The following TENT4A variants were observed in gnomAD, a reference collection of about 807,000 sequenced individuals.
TENT4A encodes terminal nucleotidyltransferase 4A.
A neutral mutation model predicts 72.8 loss-of-function variants in TENT4A; 7 were observed. The observed-to-expected ratio is 0.10, with a 90% confidence interval of 0.05 to 0.18. The LOEUF (loss-of-function observed/expected upper bound fraction) is 0.18, where lower values mean the gene tolerates loss of function less well. TENT4A is among the 10% of genes least tolerant of loss of function. The probability of loss-of-function intolerance (pLI) is 1.00; values close to 1 mark genes in which losing one functional copy is unlikely to be tolerated. For missense variants in TENT4A, 831 were observed against 1,017.7 expected (o/e 0.82, Z 2.50); for synonymous variants, 456 against 434.3 (o/e 1.05, Z -0.62).
At chr5:6,748,395 G>T in intron 7 of TENT4A, 69 bp from the exon 8 acceptor site, 1 of 1,588,054 alleles carries the variant, frequency 6.3e-7, no homozygotes. Context: ...TCACTTGTAT[G>T]AGAAGATCCA....
At chr5:6,745,269 G>A (rs1445649264) in intron 6 of TENT4A, among the ~76,000 whole-genome samples, 2 of 152,228 alleles carry the variant, frequency 1.3e-5, no homozygotes, top group Non-Finnish European at 2.9e-5. Context: ...GAATTCTTCT[G>A]AACCCTAAAA....
intron 3 of TENT4A, among the ~76,000 whole-genome samples, 193 bp from the exon 4 acceptor site, chr5:6,739,538 TC>T (rs1741691454): frequency 6.6e-6 from 1 of 152,214 alleles, no homozygotes; most frequent in African/African-American, 2.4e-5. Context: ...ATGGAAGTCT[TC>T]CCTTAAGTTC....
intron 1 of TENT4A, among the ~76,000 whole-genome samples, chr5:6,715,392 G>T (rs1740318794): frequency 6.6e-6 from 1 of 152,176 alleles, no homozygotes; most frequent in South Asian, 2.1e-4. Context: ...ACTTACAGAC[G>T]GCAAGGAATG....
In TENT4A at chr5:6,713,842, CCCGCCGCCGCCGCCG is replaced by C. The variant is rs541247870; in HGVS notation, c.-130_-116del. 3 of 157,332 alleles carry C rather than the reference CCCGCCGCCGCCGCCG, an allele frequency of 1.9e-5. No individual in the cohort carries two copies. The highest frequency in any genetic ancestry group is 2.6e-5 in the Non-Finnish European group (2 of 77,370). 9.7% of individuals were successfully genotyped at this position (157,332 alleles called of 1,614,324 possible). A position where few individuals can be genotyped will look rare whatever the true frequency, so the allele number is the denominator to read the frequency against. ...GAGCAGGAGGCCGGGGCTCGGCCCG[CCCGCCGCCGCCGCCG>C]CCGCCGCCGCCACCGGCCCAGGCCC... is the stretch of plus-strand genomic sequence containing the variant. On this transcript the variant is annotated 5_prime_UTR_variant, in exon 1 of 13. Coordinates refer to ENST00000230859, the MANE Select transcript of TENT4A (RefSeq NM_006999.6).
chr5:6,735,953 G>A (rs1378673357), intron 1 of TENT4A, among the ~76,000 whole-genome samples: 4 of 152,042 alleles, frequency 2.6e-5, no homozygotes, highest in Admixed American at 2.6e-4. Context: ...AGCAGAGATG[G>A]GGTTTCACCA....
At position 6,713,946 on chromosome 5, in the gene TENT4A, G is replaced by A. The variant is rs1740225897; in HGVS notation, c.-38G>A. ...GCGGCGGGGGCGGGGCCGCGTCGGG[G>A]CGGGCGGGCGCGCGGGCCCCGCGGG... On this transcript the variant is annotated 5_prime_UTR_variant, in exon 1 of 13. Coordinates refer to ENST00000230859, the MANE Select transcript of TENT4A (RefSeq NM_006999.6). 1 of 881,136 alleles carries A rather than the reference G, an allele frequency of 1.1e-6. No homozygotes were observed. Among genetic ancestry groups the A allele is most frequent in the Non-Finnish European group, 1.4e-6 (1 of 738,122 alleles). 54.6% of individuals were successfully genotyped at this position (881,136 alleles called of 1,614,324 possible).
chr5:6,739,645 A>T, intron 3 of TENT4A, 87 bp from the exon 4 acceptor site: 1 of 1,518,716 alleles, frequency 6.6e-7, no homozygotes, highest in Non-Finnish European at 9.0e-7. Flanking sequence ...AGACACAGGC[A>T]CATGTGCCTT....
In TENT4A at chr5:6,756,737, A is replaced by G. The variant is rs1742721494; in HGVS notation, c.*1792A>G. ...AAAAACTGATCTGTAGGCCTGTACT[A>G]ATCTCTACGCATTAGCAATATTGAC... On this transcript the variant is annotated 3_prime_UTR_variant, in exon 13 of 13. Coordinates refer to ENST00000230859, the MANE Select transcript of TENT4A (RefSeq NM_006999.6). 6.6e-6 allele frequency: 1 copy of G among 152,664 alleles called. No individual in the cohort carries two copies. The highest frequency in any genetic ancestry group is 1.5e-5 in the Non-Finnish European group (1 of 68,044). 9.5% of individuals were successfully genotyped at this position (152,664 alleles called of 1,614,324 possible).
At chr5:6,735,280 T>G (rs1741422138) in intron 1 of TENT4A, among the ~76,000 whole-genome samples, 1 of 152,166 alleles carries the variant, frequency 6.6e-6, no homozygotes. Flanking sequence ...CTCCTGTTAT[T>G]ATCCTCAGAA....
chr5:6,713,866 GCCACCGGCC>G lies in TENT4A; in HGVS notation c.-116_-108del, dbSNP rs1181310281. ...GCCCGCCGCCGCCGCCGCCGCCGCC[GCCACCGGCC>G]CAGGCCCGTCCGTCCGTCCGTGCGC... On this transcript the variant is annotated 5_prime_UTR_variant, in exon 1 of 13. Transcript: ENST00000230859. The G allele has an allele frequency of 5.1e-6, 1 of 195,784 alleles. No individual in the cohort carries two copies. The highest frequency in any genetic ancestry group is 1.9e-4 in the East Asian group (1 of 5,226). The allele number at this position is 195,784 out of a possible 1,614,324, so 12.1% of individuals were successfully genotyped here.
intron 1 of TENT4A, among the ~76,000 whole-genome samples, chr5:6,725,383 C>G (rs1466648175): frequency 1.3e-5 from 2 of 152,176 alleles, no homozygotes; most frequent in African/African-American, 4.8e-5. Flanking sequence ...TCTGTCTTCT[C>G]AGGAGAGATG....
chr5:6,717,735 G>T (rs1039948842), intron 1 of TENT4A, among the ~76,000 whole-genome samples: 20 of 152,252 alleles, frequency 1.3e-4, no homozygotes, highest in Non-Finnish European at 2.5e-4. Flanking sequence ...TGTTGGGCAG[G>T]TGTTTGGACA....
intron 1 of TENT4A, among the ~76,000 whole-genome samples, chr5:6,729,412 T>C (rs1011950139): frequency 6.6e-6 from 1 of 152,266 alleles, no homozygotes. Flanking sequence ...TGCTCACTTA[T>C]CTTTCATCCA....
rs1228344102 is a variant in TENT4A at position 6,751,024 on chromosome 5, T to C, written c.1861-15T>C. On this transcript the variant is annotated splice_polypyrimidine_tract_variant and intron_variant, in intron 10 of 12. Transcript: ENST00000230859. ...TGGTACAGCTGTCCTTTTTGTTTTT[T>C]GTACCGGGTTCAAGGATTCAGACAC... 9 of 1,613,036 alleles carry C rather than the reference T, an allele frequency of 5.6e-6. No individual in the cohort carries two copies. The East Asian group carries it at 2.0e-4, about 36-fold the overall frequency.
At position 6,742,519 on chromosome 5, in the gene TENT4A, G is replaced by A; in HGVS notation, c.1038G>A (p.Glu346=). Residue 346 remains glutamate, a synonymous_variant, in exon 5 of 13, where the codon GAG becomes GAA. Coordinates refer to ENST00000230859, the MANE Select transcript of TENT4A (RefSeq NM_006999.6). ...CAATAATAAAGCTCACAGATCAGGA[G>A]ACTGAAGTGAAAGTTGACATCAGCT... ...TVPIIKLTDQ[E]TEVKVDISFN... The A allele has an allele frequency of 6.2e-7, 1 of 1,612,832 alleles. No individual in the cohort carries two copies. Among genetic ancestry groups the A allele is most frequent in the Non-Finnish European group, 8.5e-7 (1 of 1,178,784 alleles).
At chr5:6,715,343 C>T (rs894740214) in intron 1 of TENT4A, among the ~76,000 whole-genome samples, 1 of 152,130 alleles carries the variant, frequency 6.6e-6, no homozygotes, top group Admixed American at 6.5e-5. Flanking sequence ...TTTCTACATC[C>T]GCCTAGAGGG....
At chr5:6,721,588 T>C (rs185626696) in intron 1 of TENT4A, among the ~76,000 whole-genome samples, 1 of 152,304 alleles carries the variant, frequency 6.6e-6, no homozygotes, top group Non-Finnish European at 1.5e-5. Flanking sequence ...AGCCTGTCCC[T>C]GGTGTCCTGG....
chr5:6,743,016 C>T (rs1215190279), intron 5 of TENT4A, among the ~76,000 whole-genome samples: 1 of 152,146 alleles, frequency 6.6e-6, no homozygotes, highest in Non-Finnish European at 1.5e-5. Flanking sequence ...ATGTTTGGGA[C>T]TCTGACCATG....
intron 4 of TENT4A, among the ~76,000 whole-genome samples, chr5:6,741,965 G>A (rs1182517119): frequency 6.6e-6 from 1 of 152,104 alleles, no homozygotes; most frequent in African/African-American, 2.4e-5. Context: ...AGTTCTTGTT[G>A]GTGAGAATAT....
Sources: gnomAD v4.1 joint callset for allele counts (sites outside exome capture counted in the v4.1 genomes callset) on GRCh38, gnomAD v4.1.1 for gene constraint, MANE v1.5 for transcripts, NCBI Gene and HGNC (gene_info 2026-07-23, HGNC 2026-07-21) for gene names.